The following UPRT variants were observed in gnomAD, a reference collection of about 807,000 sequenced individuals.
UPRT encodes uracil phosphoribosyltransferase homolog.
Under a neutral mutation model 22.6 loss-of-function variants are expected in UPRT, and 5 were observed. That is an observed-to-expected ratio of 0.22 (90% CI 0.12 to 0.47). The LOEUF is 0.47. Among genes scored for constraint, UPRT ranks in the 20% least tolerant of loss-of-function variants. The pLI, the probability that UPRT is intolerant of heterozygous loss-of-function variation, is 0.99. For missense variants in UPRT, 181 were observed against 239.9 expected (o/e 0.75, Z 1.62); for synonymous variants, 77 against 87.7 (o/e 0.88, Z 0.68).
chrX:75,250,044 G>A (rs781357400), intron 4 of UPRT, among the ~76,000 whole-genome samples: 1 of 111,853 alleles, frequency 8.9e-6, no homozygotes, highest in South Asian at 3.7e-4. Flanking sequence ...CAGAATCTCT[G>A]GGACACATTC....
chrX:75,262,353 C>T (rs2082571530), intron 4 of UPRT, among the ~76,000 whole-genome samples: 1 of 111,311 alleles, frequency 9.0e-6, no homozygotes, highest in East Asian at 2.8e-4. Flanking sequence ...AGACCATCAA[C>T]ACCATGAAAA....
chrX:75,172,595 C>T (rs2082231383), intron 4 of UPRT, among the ~76,000 whole-genome samples: 2 of 111,760 alleles, frequency 1.8e-5, no homozygotes, highest in Middle Eastern at 4.2e-3. Flanking sequence ...GCCACGGACC[C>T]TTGCGGTGAG....
chrX:75,272,319 T>TATATATATAC (rs369391024), upstream of UPRT, among the ~76,000 whole-genome samples: 72 of 88,336 alleles, frequency 8.2e-4, 1 homozygote, highest in Middle Eastern at 6.0e-3. Context: ...TGTGTATATA[T>TATATATATAC]ACATATATAT....
chrX:75,214,986 C>CACACAG lies in UPRT; in HGVS notation c.-447+47112_-447+47113insGACACA, dbSNP rs1555968478. Among the ~76,000 whole-genome samples, 28 of 106,902 alleles carry CACACAG rather than the reference C, an allele frequency of 2.6e-4. 4 individuals are homozygous for CACACAG. The highest frequency in any genetic ancestry group is 3.8e-4 in the African/African-American group (11 of 28,916). The allele number at this position is 106,902 out of a possible 115,157, so 92.8% of individuals were successfully genotyped here. On this transcript the variant is annotated intron_variant, in intron 4 of 13. Coordinates refer to the UPRT transcript ENST00000652605. ...ACACACACACACACACACACACACA[C>CACACAG]ACACACACACACAAATAAGGCAGGA...
At chrX:75,278,980 A>AC (rs1331521721) in intron 1 of UPRT, among the ~76,000 whole-genome samples, 1 of 111,563 alleles carries the variant, frequency 9.0e-6, no homozygotes, top group African/African-American at 3.3e-5. Flanking sequence ...GTGCATCAGA[A>AC]TTGCCTGTGG....
At chrX:75,256,121 G>A (rs1390547269) in intron 4 of UPRT, among the ~76,000 whole-genome samples, 1 of 111,503 alleles carries the variant, frequency 9.0e-6, no homozygotes, top group African/African-American at 3.3e-5. Context: ...AGCCACAAAA[G>A]GTGCCTCAAT....
intron 1 of UPRT, among the ~76,000 whole-genome samples, chrX:75,275,224 A>T (rs966027574): frequency 3.6e-5 from 4 of 111,992 alleles, no homozygotes; most frequent in Non-Finnish European, 7.5e-5. Context: ...CTCACAGAAC[A>T]TAGTTAATGG....
intron 1 of UPRT, among the ~76,000 whole-genome samples, chrX:75,280,772 A>G (rs1249014914): frequency 1.8e-5 from 2 of 111,336 alleles, no homozygotes; most frequent in Non-Finnish European, 3.8e-5. Context: ...GTGGTTCCAT[A>G]TGAATTTTAG....
Position 75,274,428 on chromosome X carries a change from T to C in UPRT, c.174T>C (p.Ser58=), listed in dbSNP as rs1254102891. 1.1e-5 allele frequency: 13 copies of C among 1,211,488 alleles called. No homozygotes were observed. The highest frequency in any genetic ancestry group is 1.3e-5 in the Non-Finnish European group (12 of 895,379). The stretch of plus-strand genomic sequence containing the variant: ...TTCTCCTCACGGGGTACGCCCATTC[T>C]AGCCTGCCGGCCGAGCTGGACTCTG... ...KVILLTGYAH[S]SLPAELDSGA... is the part of the protein sequence containing the mutation. The change falls in exon 1 of 7, where the codon TCT becomes TCC. Residue 58 remains serine, a synonymous_variant. Coordinates refer to ENST00000373383, the MANE Select transcript of UPRT (RefSeq NM_145052.4).
At chrX:75,201,304 G>A in intron 4 of UPRT, among the ~76,000 whole-genome samples, 1 of 112,385 alleles carries the variant, frequency 8.9e-6, no homozygotes, top group South Asian at 3.7e-4. Context: ...CAGACTACTT[G>A]GACTTCTTTT....
chrX:75,235,691 C>A (rs1404189322), intron 4 of UPRT, among the ~76,000 whole-genome samples: 21 of 111,565 alleles, frequency 1.9e-4, no homozygotes, highest in Non-Finnish European at 3.0e-4. Flanking sequence ...AACCAAAGAC[C>A]AAAACCACAT....
chrX:75,213,515 C>A (rs1478937578), intron 4 of UPRT, among the ~76,000 whole-genome samples: 1 of 111,711 alleles, frequency 9.0e-6, no homozygotes, highest in Non-Finnish European at 1.9e-5. Flanking sequence ...TCTAAATACA[C>A]CAATTAAAAG....
chrX:75,176,308 A>G (rs1465458519), intron 4 of UPRT, among the ~76,000 whole-genome samples: 1 of 111,145 alleles, frequency 9.0e-6, no homozygotes, highest in African/African-American at 3.3e-5. Flanking sequence ...CTGTCATTCT[A>G]TCATTTACTT....
intron 4 of UPRT, among the ~76,000 whole-genome samples, chrX:75,205,523 G>T (rs765577595): frequency 3.6e-5 from 4 of 110,989 alleles, no homozygotes; most frequent in South Asian, 3.8e-4. Context: ...GAAGAAGGAA[G>T]AATATTTTGG....
At chrX:75,300,779 C>T in intron 5 of UPRT, 88 bp from the exon 6 acceptor site, 1 of 715,513 alleles carries the variant, frequency 1.4e-6, no homozygotes, top group South Asian at 2.7e-5. Flanking sequence ...AGAGTGATTC[C>T]CTGTCCCCCC....
intron 4 of UPRT, among the ~76,000 whole-genome samples, chrX:75,167,930 C>T (rs2082217136): frequency 1.8e-5 from 2 of 111,439 alleles, no homozygotes; most frequent in Non-Finnish European, 3.8e-5. Flanking sequence ...GAGAGGTTGC[C>T]CTCCCACTGT....
chrX:75,250,159 G>A (rs1231698014), intron 4 of UPRT, among the ~76,000 whole-genome samples: 1 of 111,206 alleles, frequency 9.0e-6, no homozygotes, highest in African/African-American at 3.3e-5. Context: ...AACTAGAGAA[G>A]CAAGAGCAAA....
At chrX:75,170,689 T>C (rs2082225004) in intron 4 of UPRT, among the ~76,000 whole-genome samples, 1 of 111,639 alleles carries the variant, frequency 9.0e-6, no homozygotes, top group Non-Finnish European at 1.9e-5. Context: ...GATTTATGCT[T>C]TAAGGAGGTC....
chrX:75,297,710 G>A, intron 4 of UPRT, 157 bp downstream of exon 4: 1 of 602,778 alleles, frequency 1.7e-6, no homozygotes, highest in Non-Finnish European at 2.7e-6. Flanking sequence ...TGGAGTCATG[G>A]CCTGTGTGAG....
Sources: allele counts gnomAD v4.1 joint callset (sites outside exome capture counted in the v4.1 genomes callset), GRCh38; gene constraint gnomAD v4.1.1; transcripts MANE v1.5; gene names NCBI Gene and HGNC (gene_info 2026-07-23, HGNC 2026-07-21).